UVSSA: variants seen among roughly 807,000 people sequenced by gnomAD.
UVSSA encodes the protein UV stimulated scaffold protein A, also known as UV-stimulated scaffold protein A.
In UVSSA, 72 loss-of-function variants were observed where a neutral mutation model predicts 73.9. That is an observed-to-expected ratio of 0.97 (90% CI 0.81 to 1.19). The LOEUF is 1.19. UVSSA is among the 50% of genes most tolerant of loss of function. The pLI is 0.00. For missense variants in UVSSA, 1,150 were observed against 965.0 expected (o/e 1.19, Z -2.54); for synonymous variants, 454 against 391.3 (o/e 1.16, Z -1.89).
chr4:1,376,646 C>T (rs1718804770), intron 10 of UVSSA, among the ~76,000 whole-genome samples: 1 of 152,222 alleles, frequency 6.6e-6, no homozygotes, highest in South Asian at 2.1e-4. Flanking sequence ...GCACCCCTCA[C>T]CGCACTGGCC....
chr4:1,372,333 C>T lies in UVSSA; in HGVS notation c.1289-3031C>T, dbSNP rs138361084. On this transcript the variant is annotated intron_variant, in intron 8 of 13. Coordinates refer to ENST00000389851, the MANE Select transcript of UVSSA (RefSeq NM_020894.4). ...AAGACACATCTGGCGGCCTGTCACG[C>T]GTCCATCCATGGCACTTTCTCTCCG... is the stretch of plus-strand genomic sequence containing the variant. Among the ~76,000 whole-genome samples, 1,411 of 152,298 alleles carry T rather than the reference C, an allele frequency of 9.3e-3. 24 individuals carry two copies. The highest frequency in any genetic ancestry group is 0.035 in the South Asian group (167 of 4,828).
intron 11 of UVSSA, 181 bp from the exon 12 acceptor site, chr4:1,380,699 G>C: frequency 6.5e-7 from 1 of 1,542,638 alleles, no homozygotes; most frequent in Non-Finnish European, 8.8e-7. Flanking sequence ...CCATCCCCAC[G>C]TCCCTGTGGC....
intron 8 of UVSSA, 26 bp downstream of exon 8, chr4:1,366,457 G>T (rs1212261898): frequency 1.3e-6 from 2 of 1,554,520 alleles, no homozygotes; most frequent in South Asian, 1.2e-5. Flanking sequence ...CGTGGGGGGG[G>T]CACCTGGGTG....
intron 7 of UVSSA, 143 bp downstream of exon 7, chr4:1,355,388 C>G: frequency 2.5e-6 from 2 of 806,780 alleles, no homozygotes; most frequent in Non-Finnish European, 3.9e-6. Flanking sequence ...CAGGACCTGC[C>G]TCCCCAGCGA....
chr4:1,345,554 A>C (rs1004505465), upstream of UVSSA, among the ~76,000 whole-genome samples: 1 of 147,436 alleles, frequency 6.8e-6, no homozygotes, highest in Non-Finnish European at 1.5e-5. Context: ...CTGAGGCAGG[A>C]GAATCGTTTG....
At chr4:1,372,357 C>T (rs898552920) in intron 8 of UVSSA, among the ~76,000 whole-genome samples, 1 of 152,186 alleles carries the variant, frequency 6.6e-6, no homozygotes, top group African/African-American at 2.4e-5. Flanking sequence ...ACTTTCTCTC[C>T]GACTTCTGCT....
intron 3 of UVSSA, among the ~76,000 whole-genome samples, chr4:1,351,042 A>G (rs930566847): frequency 6.6e-6 from 1 of 152,002 alleles, no homozygotes; most frequent in Non-Finnish European, 1.5e-5. Context: ...AGTAGCTGGG[A>G]CTACAGGCAC....
At chr4:1,366,155 GC>G in intron 7 of UVSSA, 164 bp from the exon 8 acceptor site, 1 of 616,180 alleles carries the variant, frequency 1.6e-6, no homozygotes, top group Non-Finnish European at 2.9e-6. Flanking sequence ...AACAAGAACA[GC>G]CTTGGAGACG....
In UVSSA at chr4:1,351,678, C is replaced by A. The variant is rs370582224; in HGVS notation, c.430-37C>A. ...TGCTGGGATTACAGGCGTGAGCCAC[C>A]GCGCCTGTCCCCTAGTCTTTATTTT... On this transcript the variant is annotated intron_variant, in intron 3 of 13. Coordinates refer to ENST00000389851, the MANE Select transcript of UVSSA (RefSeq NM_020894.4). The A allele has an allele frequency of 5.6e-6, 9 of 1,605,388 alleles. No individual in the cohort carries two copies. The East Asian group carries it at 1.6e-4, about 28-fold the overall frequency.
At chr4:1,348,064 A>G in intron 1 of UVSSA, 26 bp from the exon 2 acceptor site, 11 of 1,549,192 alleles carry the variant, frequency 7.1e-6, no homozygotes, top group Non-Finnish European at 9.8e-6. Flanking sequence ...ATGGTGATAT[A>G]GCATCTCTGC....
At chr4:1,383,053 G>A (rs1306636560) in intron 12 of UVSSA, among the ~76,000 whole-genome samples, 4 of 152,228 alleles carry the variant, frequency 2.6e-5, no homozygotes, top group Admixed American at 6.5e-5. Flanking sequence ...ACCCCCGAGG[G>A]CCTCAGTGCC....
At chr4:1,394,624 G>T in exon 14 of UVSSA, 2 of 1,450,568 alleles carry the variant, frequency 1.4e-6, no homozygotes, top group South Asian at 2.5e-5. Flanking sequence ...GCTCACACAT[G>T]TCGATGCGGA....
chr4:1,393,309 C>G (rs1268732688), exon 14 of UVSSA: 1 of 152,198 alleles, frequency 6.6e-6, no homozygotes, highest in Admixed American at 6.5e-5. Context: ...TACTCATATT[C>G]TTTGTTTAGT....
chr4:1,346,642 T>A (rs7672406), upstream of UVSSA, among the ~76,000 whole-genome samples: 2,493 of 151,596 alleles, frequency 0.016, 63 homozygotes, highest in African/African-American at 0.056. Flanking sequence ...CGCCGCGGGG[T>A]TCAGGGCGCC....
At position 1,380,116 on chromosome 4, in the gene UVSSA, C is replaced by T. The variant is rs369122129; in HGVS notation, c.1638C>T (p.Ser546=). The T allele has an allele frequency of 1.4e-5, 23 of 1,612,738 alleles. No homozygotes were observed. The African/African-American group carries it at 1.6e-4, about 11-fold the overall frequency. ...AGGAAGTGGTCAATGCCGACATCTC[C>T]GAGATGCTCCGGAGCCGCCACATCA... is the stretch of plus-strand genomic sequence containing the variant. ...VEEEVVNADI[S]EMLRSRHITF... Residue 546 remains serine, a synonymous_variant, in exon 11 of 14, where the codon TCC becomes TCT. Transcript: ENST00000389851.
At chr4:1,380,252 G>T in intron 11 of UVSSA, 22 bp downstream of exon 11, 1 of 1,601,102 alleles carries the variant, frequency 6.2e-7, no homozygotes, top group Admixed American at 1.7e-5. Flanking sequence ...GCCCGAGGGC[G>T]GGGGTGGGTG....
chr4:1,372,755 T>TTACCTCCCGCGTCCCTG (rs1718241605), intron 8 of UVSSA, among the ~76,000 whole-genome samples: 1 of 77,310 alleles, frequency 1.3e-5, no homozygotes, highest in African/African-American at 4.1e-5. Context: ...GTCCCTGCAC[T>TTACCTCCCGCGTCCCTG]CACCTCCCGC....
intron 8 of UVSSA, among the ~76,000 whole-genome samples, chr4:1,367,039 G>T (rs1001771192): frequency 1.3e-5 from 2 of 152,218 alleles, no homozygotes; most frequent in Non-Finnish European, 2.9e-5. Flanking sequence ...GCTTACGGGG[G>T]TCACAAGCAC....
chr4:1,372,877 G>A lies in UVSSA; in HGVS notation c.1289-2487G>A, dbSNP rs1036119342. The stretch of plus-strand genomic sequence containing the variant: ...CCGCGTCCCTGCACTCACCTCCCGC[G>A]TCTCAGGGCACTCACCTCCCGCGTC... On this transcript the variant is annotated intron_variant, in intron 8 of 13. Coordinates refer to ENST00000389851, the MANE Select transcript of UVSSA (RefSeq NM_020894.4). Among the ~76,000 whole-genome samples, 28 of 121,116 alleles carry A rather than the reference G, an allele frequency of 2.3e-4. 2 individuals are homozygous for A. The highest frequency in any genetic ancestry group is 5.3e-4 in the African/African-American group (18 of 34,250). The allele number at this position is 121,116 out of a possible 152,430, so 79.5% of individuals were successfully genotyped here.
Sources: allele counts gnomAD v4.1 joint callset (sites outside exome capture counted in the v4.1 genomes callset), GRCh38; gene constraint gnomAD v4.1.1; transcripts MANE v1.5; gene names NCBI Gene and HGNC (gene_info 2026-07-23, HGNC 2026-07-21).